RBFOX1: variants seen among roughly 807,000 people sequenced by gnomAD.
RBFOX1 encodes RNA binding fox-1 homolog 1, also known as RNA binding protein fox-1 homolog 1.
Under a neutral mutation model 57.7 loss-of-function variants are expected in RBFOX1, and 8 were observed. The ratio of observed to expected loss-of-function variants is 0.14; its 90% CI spans 0.08 to 0.25. The LOEUF (loss-of-function observed/expected upper bound fraction) is 0.25, where lower values mean the gene tolerates loss of function less well. Ranked by LOEUF, RBFOX1 falls within the 10% of genes least tolerant of loss-of-function variation. The pLI, the probability that RBFOX1 is intolerant of heterozygous loss-of-function variation, is 1.00. For synonymous variants in RBFOX1, 326 were observed against 222.4 expected, an observed-to-expected ratio of 1.47 and a Z score of -4.15; for missense variants, 611 against 548.5, an observed-to-expected ratio of 1.11 and a Z score of -1.14.
At chr16:7,702,212 G>A (rs1169192187) in intron 14 of RBFOX1, among the ~76,000 whole-genome samples, 1 of 152,192 alleles carries the variant, frequency 6.6e-6, no homozygotes, top group East Asian at 1.9e-4. Context: ...TTATTGGCAT[G>A]AAGATAAGAG....
chr16:5,315,933 C>T (rs899016248), intron 1 of RBFOX1, among the ~76,000 whole-genome samples: 1 of 152,120 alleles, frequency 6.6e-6, no homozygotes, highest in African/African-American at 2.4e-5. Flanking sequence ...CACCTGGTAG[C>T]GCATAAGACA....
chr16:6,386,888 A>G (rs989535214), intron 2 of RBFOX1, among the ~76,000 whole-genome samples: 1 of 152,166 alleles, frequency 6.6e-6, no homozygotes, highest in Admixed American at 6.5e-5. Context: ...GGAGAGCTGG[A>G]AAGATATTGG....
intron 1 of RBFOX1, among the ~76,000 whole-genome samples, chr16:5,248,718 G>A (rs1049204971): frequency 3.3e-5 from 5 of 152,136 alleles, no homozygotes; most frequent in South Asian, 2.1e-4. Context: ...GGCCGGGCAC[G>A]GTGGCTCACA....
intron 3 of RBFOX1, among the ~76,000 whole-genome samples, chr16:6,977,208 A>T (rs2087245212): frequency 8.5e-6 from 1 of 118,190 alleles, no homozygotes; most frequent in Non-Finnish European, 1.7e-5. Context: ...ATGTTTTATC[A>T]TATATATTAT....
chr16:7,216,934 T>A (rs7187025), intron 4 of RBFOX1, among the ~76,000 whole-genome samples: 109,486 of 150,402 alleles, frequency 0.73, 40,367 homozygotes, highest in East Asian at 0.96. Flanking sequence ...AAAGTCAGAG[T>A]ATTCAGGAAT....
chr16:7,460,666 G>A lies in RBFOX1; in HGVS notation c.28-57481G>A, dbSNP rs1026053499. On this transcript the variant is annotated intron_variant, in intron 4 of 15. Coordinates refer to ENST00000550418, the MANE Select transcript of RBFOX1 (RefSeq NM_018723.4). The stretch of plus-strand genomic sequence containing the variant: ...AATAATCTGCACAACAAACCACCAT[G>A]ACACACGTTTACCTGTGTAACAATC... Among the ~76,000 whole-genome samples, 3 of 151,544 alleles carry A rather than the reference G, an allele frequency of 2.0e-5. No individual in the cohort carries two copies. In the South Asian group the frequency reaches 6.3e-4, roughly 32 times the overall value.
chr16:7,084,185 G>T (rs555447670), intron 4 of RBFOX1, among the ~76,000 whole-genome samples: 5 of 152,062 alleles, frequency 3.3e-5, no homozygotes, highest in Admixed American at 6.6e-5. Context: ...AGGTCCAAAG[G>T]CATTCAGATG....
chr16:6,757,621 G>A (rs2076008757), intron 3 of RBFOX1, among the ~76,000 whole-genome samples: 1 of 152,120 alleles, frequency 6.6e-6, no homozygotes, highest in Non-Finnish European at 1.5e-5. Flanking sequence ...ATAGAGAGTA[G>A]AATGGTGGTT....
intron 4 of RBFOX1, among the ~76,000 whole-genome samples, chr16:5,905,304 C>T (rs1169480197): frequency 1.3e-5 from 2 of 151,814 alleles, no homozygotes; most frequent in Non-Finnish European, 2.9e-5. Context: ...CCACCCGCCT[C>T]GGCCTCCCAA....
chr16:7,348,931 G>T (rs1407380650), intron 4 of RBFOX1, among the ~76,000 whole-genome samples: 2 of 152,088 alleles, frequency 1.3e-5, no homozygotes, highest in African/African-American at 4.8e-5. Context: ...GACACAGCGA[G>T]ACTCCACCTC....
At chr16:7,486,796 G>A (rs561839545) in intron 4 of RBFOX1, among the ~76,000 whole-genome samples, 1 of 152,184 alleles carries the variant, frequency 6.6e-6, no homozygotes, top group African/African-American at 2.4e-5. Context: ...GCAATAGTCA[G>A]GGTTCCAACA....
chr16:7,530,573 CTG>C (rs2079807632), intron 5 of RBFOX1, among the ~76,000 whole-genome samples: 2 of 151,856 alleles, frequency 1.3e-5, no homozygotes, highest in South Asian at 4.1e-4. Flanking sequence ...ATCAATGGGT[CTG>C]TGTGAATTCA....
intron 2 of RBFOX1, among the ~76,000 whole-genome samples, chr16:6,320,162 A>T (rs78363168): frequency 6.6e-6 from 1 of 152,312 alleles, no homozygotes; most frequent in South Asian, 2.1e-4. Flanking sequence ...AAGATGGTGT[A>T]TTAGCTGTTA....
At chr16:6,979,533 C>A (rs561458824) in intron 3 of RBFOX1, among the ~76,000 whole-genome samples, 1 of 152,154 alleles carries the variant, frequency 6.6e-6, no homozygotes, top group Non-Finnish European at 1.5e-5. Flanking sequence ...TGAATATCTT[C>A]AATTGGATAC....
chr16:5,841,789 T>C (rs1011655446), intron 3 of RBFOX1, among the ~76,000 whole-genome samples: 2 of 152,198 alleles, frequency 1.3e-5, no homozygotes, highest in African/African-American at 4.8e-5. Context: ...AGTTCTCATT[T>C]CAGCATCGAG....
chr16:7,217,818 G>A (rs549520738), intron 4 of RBFOX1, among the ~76,000 whole-genome samples: 1 of 152,310 alleles, frequency 6.6e-6, no homozygotes, highest in African/African-American at 2.4e-5. Context: ...TCATCTGAAA[G>A]ACTTACAGCA....
intron 3 of RBFOX1, among the ~76,000 whole-genome samples, chr16:6,830,483 C>G (rs1377344618): frequency 6.6e-6 from 1 of 152,050 alleles, no homozygotes; most frequent in Non-Finnish European, 1.5e-5. Flanking sequence ...TAAAAGCATC[C>G]TCTATGCCAG....
At chr16:7,408,857 TGGTTAACATATTCCCCA>T (rs1177142116) in intron 4 of RBFOX1, among the ~76,000 whole-genome samples, 1 of 149,916 alleles carries the variant, frequency 6.7e-6, no homozygotes, top group Non-Finnish European at 1.5e-5. Flanking sequence ...GGCAGGGGGG[TGGTTAACATATTCCCCA>T]GATAAGAACC....
chr16:6,887,742 A>C (rs1416737902), intron 3 of RBFOX1, among the ~76,000 whole-genome samples: 1 of 151,524 alleles, frequency 6.6e-6, no homozygotes, highest in Non-Finnish European at 1.5e-5. Context: ...GGCTTACTGC[A>C]ACCTCTGCCT....
Sources: gnomAD v4.1 joint callset for allele counts (sites outside exome capture counted in the v4.1 genomes callset) on GRCh38, gnomAD v4.1.1 for gene constraint, MANE v1.5 for transcripts, NCBI Gene and HGNC (gene_info 2026-07-23, HGNC 2026-07-21) for gene names.